UBE2G2: variants seen among roughly 807,000 people sequenced by gnomAD.
UBE2G2 encodes ubiquitin conjugating enzyme E2 G2.
In UBE2G2, 10 loss-of-function variants were observed where a neutral mutation model predicts 23.0. The observed-to-expected ratio is 0.43, with a 90% CI of 0.27 to 0.74. The LOEUF (loss-of-function observed/expected upper bound fraction) is 0.74. UBE2G2 is among the 30% of genes least tolerant of loss of function. The probability of loss-of-function intolerance (pLI) is 0.19; values close to 1 mark genes in which losing one functional copy is unlikely to be tolerated. For synonymous variants in UBE2G2, 86 were observed against 81.3 expected (o/e 1.06, Z -0.31); for missense variants, 150 against 218.3 (o/e 0.69, Z 1.97).
chr21:44,790,243 C>A (rs1319489290), intron 1 of UBE2G2, among the ~76,000 whole-genome samples: 1 of 152,188 alleles, frequency 6.6e-6, no homozygotes, highest in Non-Finnish European at 1.5e-5. Context: ...TCATGCACCA[C>A]TGATGGGAAT....
At chr21:44,781,176 T>A (rs2082953366) in intron 3 of UBE2G2, among the ~76,000 whole-genome samples, 1 of 152,188 alleles carries the variant, frequency 6.6e-6, no homozygotes, top group Non-Finnish European at 1.5e-5. Context: ...AGTGGATGAC[T>A]AAGGGACGAT....
intron 1 of UBE2G2, among the ~76,000 whole-genome samples, chr21:44,798,195 T>A (rs2083108857): frequency 6.6e-6 from 1 of 152,222 alleles, no homozygotes; most frequent in Admixed American, 6.5e-5. Flanking sequence ...TGCCAAAATA[T>A]GCTTAATTTT....
chr21:44,797,261 TGAAATAACA>T (rs2083098257), intron 1 of UBE2G2, among the ~76,000 whole-genome samples: 1 of 152,222 alleles, frequency 6.6e-6, no homozygotes, highest in Non-Finnish European at 1.5e-5. Context: ...ACAATATAAT[TGAAATAACA>T]GATGAAGCTT....
chr21:44,793,360 C>T (rs941925562), intron 1 of UBE2G2, among the ~76,000 whole-genome samples: 17 of 152,164 alleles, frequency 1.1e-4, no homozygotes, highest in Non-Finnish European at 2.2e-4. Flanking sequence ...CACTCCCCTG[C>T]GTGACACCCT....
At chr21:44,799,968 G>A (rs2083122090) in intron 1 of UBE2G2, 1 of 152,234 alleles carries the variant, frequency 6.6e-6, no homozygotes, top group African/African-American at 2.4e-5. Context: ...GGCCGGGAGA[G>A]AGATGGGGAA....
chr21:44,777,500 T>C, intron 3 of UBE2G2, 83 bp from the exon 4 acceptor site: 1 of 1,421,038 alleles, frequency 7.0e-7, no homozygotes, highest in Non-Finnish European at 9.9e-7. Context: ...TTAAGAACAT[T>C]TTTACCACTT....
intron 3 of UBE2G2, 112 bp from the exon 4 acceptor site, chr21:44,777,529 C>T (rs535750939): frequency 3.1e-5 from 34 of 1,093,600 alleles, no homozygotes; most frequent in African/African-American, 1.9e-4. Flanking sequence ...CACGTGAGGC[C>T]GGGTGCGGTG....
chr21:44,794,603 C>T (rs112371049), intron 1 of UBE2G2, among the ~76,000 whole-genome samples: 15,700 of 149,154 alleles, frequency 0.11, 1,061 homozygotes, highest in Middle Eastern at 0.22. Context: ...GGCGTGATCT[C>T]GGCTCACTGC....
intron 1 of UBE2G2, 136 bp from the exon 2 acceptor site, chr21:44,788,231 C>CA: frequency 1.4e-6 from 1 of 736,782 alleles, no homozygotes; most frequent in African/African-American, 1.8e-5. Context: ...TCTGTTTGCC[C>CA]AAAGTGAATA....
chr21:44,785,016 C>A lies in UBE2G2; in HGVS notation c.125+2904G>T, dbSNP rs533678636. Among the ~76,000 whole-genome samples, 338 of 152,354 alleles carry A rather than the reference C, an allele frequency of 2.2e-3. 1 individual carries two copies. Among genetic ancestry groups the A allele is most frequent in the African/African-American group, 7.5e-3 (312 of 41,584 alleles). Reference sequence around the variant, plus strand: ...GTGCATCAATGAAAGAGGGCACCCACCCTCTCTGCAGCTACACCCCCGTCA... The same window carrying A: ...GTGCATCAATGAAAGAGGGCACCCAACCTCTCTGCAGCTACACCCCCGTCA... On this transcript the variant is annotated intron_variant, in intron 3 of 5. Transcript: ENST00000345496.
chr21:44,781,603 G>A (rs1009507696), intron 3 of UBE2G2, among the ~76,000 whole-genome samples: 5 of 152,310 alleles, frequency 3.3e-5, no homozygotes, highest in Admixed American at 6.5e-5. Flanking sequence ...GTAAGAAGCC[G>A]TGATTTGGGG....
intron 3 of UBE2G2, among the ~76,000 whole-genome samples, chr21:44,785,067 C>T (rs375908808): frequency 6.6e-6 from 1 of 152,206 alleles, no homozygotes; most frequent in African/African-American, 2.4e-5. Flanking sequence ...AATGGGGTCA[C>T]GGGCCATGGA....
chr21:44,781,222 C>T (rs73370571), intron 3 of UBE2G2, among the ~76,000 whole-genome samples: 80 of 152,250 alleles, frequency 5.3e-4, no homozygotes, highest in African/African-American at 1.8e-3. Context: ...GAGCTGGAGA[C>T]GGGAAGGGCA....
Position 44,777,333 on chromosome 21 carries a change from C to G in UBE2G2, c.210G>C (p.Lys70Asn), listed in dbSNP as rs1422050570. Residue 70 changes from lysine to asparagine, a missense_variant, in exon 4 of 6, where the codon AAG (lysine) becomes AAC (asparagine). Lys to Asn is a moderately conservative substitution (Grantham distance 94). Coordinates refer to ENST00000345496, the MANE Select transcript of UBE2G2 (RefSeq NM_003343.6). ...GAAACATCTCACAGGTAAATCTCAT[C>G]TTTGGGGGACTTAACGGGTAATCAA... ...FPLDYPLSPP[K>N]MRFTCEMFHP... 2 of 1,613,930 alleles carry G rather than the reference C, an allele frequency of 1.2e-6. No homozygotes were observed. The highest frequency in any genetic ancestry group is 1.7e-6 in the Non-Finnish European group (2 of 1,180,016).
chr21:44,795,180 T>C (rs2083076626), intron 1 of UBE2G2, among the ~76,000 whole-genome samples: 1 of 152,052 alleles, frequency 6.6e-6, no homozygotes, highest in Non-Finnish European at 1.5e-5. Flanking sequence ...GGAGAATTAC[T>C]TGAAGCCAGG....
intron 3 of UBE2G2, among the ~76,000 whole-genome samples, chr21:44,781,188 G>C (rs1451642045): frequency 6.6e-6 from 1 of 152,198 alleles, no homozygotes; most frequent in African/African-American, 2.4e-5. Context: ...AGGGACGATG[G>C]CCCTCCAAAA....
At chr21:44,799,530 T>C (rs972425946) in intron 1 of UBE2G2, among the ~76,000 whole-genome samples, 13 of 152,230 alleles carry the variant, frequency 8.5e-5, no homozygotes, top group African/African-American at 2.9e-4. Flanking sequence ...CAACCTCTGT[T>C]AGCTCCCAAT....
intron 1 of UBE2G2, among the ~76,000 whole-genome samples, chr21:44,794,601 C>G (rs2083071198): frequency 6.9e-6 from 1 of 145,722 alleles, no homozygotes; most frequent in African/African-American, 2.5e-5. Context: ...GTGGCGTGAT[C>G]TCGGCTCACT....
rs371551412 is a variant in UBE2G2 at position 44,795,996 on chromosome 21, G to A, written c.43+5710C>T. On this transcript the variant is annotated intron_variant, in intron 1 of 5. Transcript: ENST00000345496. ...CCATTAGCTGGAAGAGGCAAGTAAG[G>A]GTTCTCCCCTCGAGCCCTCAAGAGG... Among the ~76,000 whole-genome samples, 17 of 152,268 alleles carry A rather than the reference G, an allele frequency of 1.1e-4. No individual in the cohort carries two copies. The East Asian group carries it at 3.1e-3, about 28-fold the overall frequency.
Sources: gnomAD v4.1 joint callset for allele counts (sites outside exome capture counted in the v4.1 genomes callset) on GRCh38, gnomAD v4.1.1 for gene constraint, MANE v1.5 for transcripts, NCBI Gene and HGNC (gene_info 2026-07-23, HGNC 2026-07-21) for gene names.